The following RNF7 variants were observed in gnomAD, a reference collection of about 807,000 sequenced individuals.
The protein encoded by RNF7 is RING-box protein 2.
Under a neutral mutation model 17.0 loss-of-function variants are expected in RNF7, and 9 were observed. That is an observed-to-expected ratio of 0.53 (90% CI 0.32 to 0.92). RNF7 has a LOEUF of 0.92. RNF7 is among the 40% of genes least tolerant of loss of function. RNF7 has a pLI of 0.04. For missense variants in RNF7, 87 were observed against 145.8 expected (o/e 0.60, Z 2.08); for synonymous variants, 59 against 50.5 (o/e 1.17, Z -0.72).
intron 1 of RNF7, chr3:141,742,674 A>G (rs2084432343): frequency 1.2e-5 from 14 of 1,168,376 alleles, no homozygotes; most frequent in Non-Finnish European, 1.6e-5. Context: ...AATTGGTCCG[A>G]GGCCCTGAAC....
intron 1 of RNF7, among the ~76,000 whole-genome samples, chr3:141,742,257 C>T (rs1478288632): frequency 3.5e-5 from 5 of 143,072 alleles, no homozygotes; most frequent in Admixed American, 2.2e-4. Flanking sequence ...GACGGAGTCT[C>T]GCTCTTTCGC....
At chr3:141,738,648 C>T (rs912152181) in intron 1 of RNF7, 132 bp downstream of exon 1, 95 of 981,646 alleles carry the variant, frequency 9.7e-5, no homozygotes, top group Non-Finnish European at 1.3e-4. Flanking sequence ...GGTCGCCCTG[C>T]CCCGGCGCCG....
In RNF7 at chr3:141,738,312, C is replaced by A. The variant is rs532349432; in HGVS notation, c.-30C>A. 3.3e-6 allele frequency: 5 copies of A among 1,532,166 alleles called. No individual in the cohort carries two copies. The highest frequency in any genetic ancestry group is 4.4e-6 in the Non-Finnish European group (5 of 1,136,544). 94.9% of individuals were successfully genotyped at this position (1,532,166 alleles called of 1,614,324 possible). A position where few individuals can be genotyped will look rare whatever the true frequency, so the allele number is the denominator to read the frequency against. On this transcript the variant is annotated 5_prime_UTR_variant, in exon 1 of 3. Transcript: ENST00000273480. ...TAGCCTTCCGCCTTCCCCAAGCCAA[C>A]GTCTCCGCCGTCGGCTCCGCGGCGC...
chr3:141,741,785 C>G (rs1299183645), intron 1 of RNF7, among the ~76,000 whole-genome samples: 1 of 152,046 alleles, frequency 6.6e-6, no homozygotes, highest in Non-Finnish European at 1.5e-5. Flanking sequence ...ACTATAAGCT[C>G]ACTGGGCATG....
intron 1 of RNF7, among the ~76,000 whole-genome samples, chr3:141,739,677 T>A (rs1430067434): frequency 1.3e-5 from 2 of 152,232 alleles, no homozygotes; most frequent in Non-Finnish European, 2.9e-5. Flanking sequence ...TTTCGCAGTT[T>A]ATGCTCTTTT....
intron 1 of RNF7, among the ~76,000 whole-genome samples, chr3:141,742,137 C>T (rs1424125400): frequency 6.7e-6 from 1 of 148,206 alleles, no homozygotes. Context: ...TGATCCTCTC[C>T]ACCTTCCACC....
intron 1 of RNF7, among the ~76,000 whole-genome samples, chr3:141,741,859 GT>G (rs1487809806): frequency 6.6e-6 from 1 of 151,990 alleles, no homozygotes; most frequent in African/African-American, 2.4e-5. Flanking sequence ...GTTAGTATTT[GT>G]TTATATATAC....
rs1223241919 is a variant in RNF7 at position 141,747,236 on chromosome 3, T to C, written c.*1959T>C. Reference sequence around the variant, plus strand: ...CAGCCTGCGATGATTACAGCTCATCTGCACAGCCATCTGAAAGTTTAATAC... The same window carrying C: ...CAGCCTGCGATGATTACAGCTCATCCGCACAGCCATCTGAAAGTTTAATAC... On this transcript the variant is annotated 3_prime_UTR_variant, in exon 3 of 3. Transcript: ENST00000273480. 6.6e-6 allele frequency: 1 copy of C among 152,272 alleles called. No individual in the cohort carries two copies. Among genetic ancestry groups the C allele is most frequent in the South Asian group, 2.1e-4 (1 of 4,828 alleles). 9.4% of individuals were successfully genotyped at this position (152,272 alleles called of 1,614,324 possible).
chr3:141,739,721 AT>A (rs1392283122), intron 1 of RNF7, among the ~76,000 whole-genome samples: 1 of 152,158 alleles, frequency 6.6e-6, no homozygotes, highest in Non-Finnish European at 1.5e-5. Context: ...TTCAAAGAGG[AT>A]TTACAACAAT....
chr3:141,742,734 C>T (rs2084433033), intron 1 of RNF7: 2 of 1,275,676 alleles, frequency 1.6e-6, no homozygotes, highest in Non-Finnish European at 2.0e-6. Context: ...GGCTCCACAG[C>T]CCTCGCTGTC....
intron 2 of RNF7, among the ~76,000 whole-genome samples, chr3:141,743,838 T>C (rs1365309393): frequency 6.6e-6 from 1 of 152,196 alleles, no homozygotes; most frequent in Non-Finnish European, 1.5e-5. Context: ...TTAAGAAAAT[T>C]ATAAAATCAG....
chr3:141,744,235 T>C (rs2084449181), intron 2 of RNF7, among the ~76,000 whole-genome samples: 1 of 152,202 alleles, frequency 6.6e-6, no homozygotes, highest in Non-Finnish European at 1.5e-5. Flanking sequence ...TTAATATTGA[T>C]TCTTGCAGTT....
intron 2 of RNF7, 78 bp downstream of exon 2, chr3:141,743,634 A>G: frequency 9.5e-7 from 1 of 1,053,982 alleles, no homozygotes; most frequent in Non-Finnish European, 1.4e-6. Flanking sequence ...TGAAATTAAG[A>G]TTGACTTTAT....
intron 2 of RNF7, 57 bp from the exon 3 acceptor site, chr3:141,745,101 TG>T: frequency 9.6e-7 from 1 of 1,042,114 alleles, no homozygotes; most frequent in South Asian, 1.5e-5. Flanking sequence ...GCTATAATTT[TG>T]AGTTCAGTGT....
At position 141,745,991 on chromosome 3, in the gene RNF7, T is replaced by A. The variant is rs1484251305; in HGVS notation, c.*714T>A. 6.7e-6 allele frequency: 1 copy of A among 148,462 alleles called. No individual in the cohort carries two copies. The highest frequency in any genetic ancestry group is 1.5e-5 in the Non-Finnish European group (1 of 66,958). 9.2% of individuals were successfully genotyped at this position (148,462 alleles called of 1,614,324 possible). A position where few individuals can be genotyped will look rare whatever the true frequency, so the allele number is the denominator to read the frequency against. On this transcript the variant is annotated 3_prime_UTR_variant, in exon 3 of 3. Transcript: ENST00000273480. ...TGATATAATTTTTTTTTTTTTTTTT[T>A]GTGGGGGTGAAGTCTTGCTCTGCCA...
chr3:141,745,265 A>G lies in RNF7; in HGVS notation c.330A>G (p.Arg110=), dbSNP rs1208490875. 1.2e-5 allele frequency: 20 copies of G among 1,610,852 alleles called. No homozygotes were observed. The highest frequency in any genetic ancestry group is 1.7e-5 in the Non-Finnish European group (20 of 1,178,576). Reference sequence around the variant, plus strand: ...GCCAGCAGGACTGGGTGGTCCAAAGAATCGGCAAATGAGAGTGGTTAGAAG... The same window carrying G: ...GCCAGCAGGACTGGGTGGTCCAAAGGATCGGCAAATGAGAGTGGTTAGAAG... The part of the protein sequence containing the change: ...PLCQQDWVVQ[R]IGK The change falls in exon 3 of 3, where the codon AGA becomes AGG. Residue 110 remains arginine (R), a synonymous_variant. Coordinates refer to ENST00000273480, the MANE Select transcript of RNF7 (RefSeq NM_014245.5).
At chr3:141,742,018 G>C (rs1170786101) in intron 1 of RNF7, among the ~76,000 whole-genome samples, 1 of 150,950 alleles carries the variant, frequency 6.6e-6, no homozygotes, top group Non-Finnish European at 1.5e-5. Flanking sequence ...TTAGGTTCAG[G>C]GCTACAAGTA....
chr3:141,744,163 C>T (rs2084448225), intron 2 of RNF7, among the ~76,000 whole-genome samples: 1 of 152,036 alleles, frequency 6.6e-6, no homozygotes, highest in Admixed American at 6.6e-5. Flanking sequence ...AAAAGATTGG[C>T]TTTGTATTTT....
intron 2 of RNF7, 43 bp downstream of exon 2, chr3:141,743,599 T>G: frequency 2.1e-6 from 3 of 1,424,400 alleles, no homozygotes; most frequent in Non-Finnish European, 2.9e-6. Flanking sequence ...ACTGAAGGTT[T>G]TCTCTCAGTA....
Sources: allele counts gnomAD v4.1 joint callset (sites outside exome capture counted in the v4.1 genomes callset), GRCh38; gene constraint gnomAD v4.1.1; transcripts MANE v1.5; gene names NCBI Gene and HGNC (gene_info 2026-07-23, HGNC 2026-07-21).